The following SLC35F3 variants were observed in gnomAD, a reference collection of about 807,000 sequenced individuals.
The protein encoded by SLC35F3 is putative thiamine transporter SLC35F3.
SLC35F3 carries 25 observed loss-of-function variants against 49.9 expected under a neutral mutation model. The ratio of observed to expected loss-of-function variants is 0.50; its 90% CI spans 0.37 to 0.70. The LOEUF is 0.70. SLC35F3 is among the 30% of genes least tolerant of loss of function. SLC35F3 has a pLI of 0.00. For missense variants in SLC35F3, 525 were observed against 639.8 expected (o/e 0.82, Z 1.94); for synonymous variants, 275 against 265.4 (o/e 1.04, Z -0.35).
intron 2 of SLC35F3, among the ~76,000 whole-genome samples, chr1:233,993,220 G>T (rs562923804): frequency 3.4e-4 from 51 of 152,224 alleles, no homozygotes; most frequent in Admixed American, 2.7e-3. Context: ...ACCCAACTCA[G>T]CCTCCCAAAG....
At chr1:234,008,938 C>G (rs1375491207) in intron 2 of SLC35F3, among the ~76,000 whole-genome samples, 1 of 152,186 alleles carries the variant, frequency 6.6e-6, no homozygotes, top group African/African-American at 2.4e-5. Flanking sequence ...GTTCCCTTTT[C>G]CTTTTTTCTG....
At chr1:234,153,956 G>A (rs956652867) in intron 2 of SLC35F3, among the ~76,000 whole-genome samples, 2 of 152,096 alleles carry the variant, frequency 1.3e-5, no homozygotes, top group African/African-American at 2.4e-5. Flanking sequence ...CCAGGTACTC[G>A]GGAGGCTGAG....
intron 2 of SLC35F3, among the ~76,000 whole-genome samples, chr1:233,918,693 G>A (rs1454654031): frequency 6.6e-6 from 1 of 152,012 alleles, no homozygotes. Context: ...CTTGAGCCTG[G>A]GAGGCGGAGG....
At chr1:234,022,031 G>A (rs190632681) in intron 2 of SLC35F3, among the ~76,000 whole-genome samples, 52 of 152,260 alleles carry the variant, frequency 3.4e-4, no homozygotes, top group Non-Finnish European at 8.8e-5. Context: ...CAAGTCCAGG[G>A]ATGATAGTGT....
intron 2 of SLC35F3, among the ~76,000 whole-genome samples, chr1:234,206,659 T>C (rs1301144795): frequency 1.3e-5 from 2 of 152,104 alleles, no homozygotes; most frequent in African/African-American, 2.4e-5. Context: ...GTCCCCACCG[T>C]AGAGAGTTGA....
intron 2 of SLC35F3, among the ~76,000 whole-genome samples, chr1:234,178,282 C>T (rs556891643): frequency 1.3e-5 from 2 of 152,128 alleles, no homozygotes; most frequent in South Asian, 4.2e-4. Context: ...AGCCCATGCC[C>T]CTTGCCACCG....
intron 2 of SLC35F3, among the ~76,000 whole-genome samples, chr1:234,171,573 C>A (rs1408702531): frequency 2.0e-5 from 3 of 152,110 alleles, no homozygotes; most frequent in African/African-American, 7.2e-5. Flanking sequence ...GAAATTGCAG[C>A]TTTTTAAATT....
At chr1:234,020,899 A>G (rs1165307384) in intron 2 of SLC35F3, among the ~76,000 whole-genome samples, 2 of 152,170 alleles carry the variant, frequency 1.3e-5, no homozygotes, top group Non-Finnish European at 2.9e-5. Flanking sequence ...TATTTAGCAA[A>G]TGGTCCAGAG....
intron 3 of SLC35F3, among the ~76,000 whole-genome samples, chr1:234,307,826 T>G (rs941809413): frequency 6.6e-6 from 1 of 152,108 alleles, no homozygotes; most frequent in African/African-American, 2.4e-5. Context: ...CTTGTCCATC[T>G]CCTTGCCTAG....
chr1:234,276,596 C>T (rs960000768), intron 3 of SLC35F3, among the ~76,000 whole-genome samples: 1 of 152,140 alleles, frequency 6.6e-6, no homozygotes, highest in Non-Finnish European at 1.5e-5. Context: ...CAGGACCTGG[C>T]CCAGTGCCTG....
At chr1:234,227,472 T>C (rs1667304761) in intron 2 of SLC35F3, among the ~76,000 whole-genome samples, 2 of 149,684 alleles carry the variant, frequency 1.3e-5, no homozygotes, top group South Asian at 4.4e-4. Context: ...AATCTCGGCT[T>C]ACTACAAGCT....
At chr1:233,912,009 A>C (rs568922693) in intron 2 of SLC35F3, among the ~76,000 whole-genome samples, 1 of 152,336 alleles carries the variant, frequency 6.6e-6, no homozygotes, top group African/African-American at 2.4e-5. Context: ...ATTCAAACAT[A>C]AATCCACATG....
At chr1:234,067,340 A>G (rs1158568894) in intron 2 of SLC35F3, among the ~76,000 whole-genome samples, 3 of 152,080 alleles carry the variant, frequency 2.0e-5, no homozygotes, top group African/African-American at 7.3e-5. Context: ...AACTTACTAT[A>G]TTAGGATAAT....
At chr1:234,148,598 A>G (rs1178276189) in intron 2 of SLC35F3, among the ~76,000 whole-genome samples, 1 of 152,228 alleles carries the variant, frequency 6.6e-6, no homozygotes, top group Non-Finnish European at 1.5e-5. Context: ...ACAACAGTGT[A>G]TCATGAAACA....
At chr1:234,059,253 T>C (rs779371094) in intron 2 of SLC35F3, among the ~76,000 whole-genome samples, 1 of 151,954 alleles carries the variant, frequency 6.6e-6, no homozygotes, top group Non-Finnish European at 1.5e-5. Flanking sequence ...TGGTAGAAGA[T>C]TAGGTTTCTG....
intron 3 of SLC35F3, among the ~76,000 whole-genome samples, chr1:234,271,006 C>T (rs953269288): frequency 6.6e-6 from 1 of 152,230 alleles, no homozygotes; most frequent in Admixed American, 6.5e-5. Context: ...TCTCCAGCAA[C>T]ACAACTCCAA....
At chr1:234,230,695 C>T (rs1165161171) in intron 2 of SLC35F3, among the ~76,000 whole-genome samples, 2 of 152,196 alleles carry the variant, frequency 1.3e-5, no homozygotes, top group Non-Finnish European at 2.9e-5. Context: ...GAAATCACAC[C>T]GCTCTAGAAT....
intron 2 of SLC35F3, among the ~76,000 whole-genome samples, chr1:233,935,217 T>G (rs1662304712): frequency 7.0e-6 from 1 of 143,678 alleles, no homozygotes; most frequent in Non-Finnish European, 1.5e-5. Flanking sequence ...TTTTTTTTTT[T>G]GCATACCTGA....
chr1:234,004,833 CTTCT>C (rs1333896830), intron 2 of SLC35F3, among the ~76,000 whole-genome samples: 5 of 152,234 alleles, frequency 3.3e-5, no homozygotes, highest in Admixed American at 2.6e-4. Context: ...ATTTTCCTCT[CTTCT>C]TTATTTTCAA....
Sources: gnomAD v4.1 joint callset for allele counts (sites outside exome capture counted in the v4.1 genomes callset) on GRCh38, gnomAD v4.1.1 for gene constraint, MANE v1.5 for transcripts, NCBI Gene and HGNC (gene_info 2026-07-23, HGNC 2026-07-21) for gene names.